HFM1: variants seen among roughly 807,000 people sequenced by gnomAD.
The protein encoded by HFM1 is probable ATP-dependent DNA helicase HFM1.
In HFM1, 169 loss-of-function variants were observed where a neutral mutation model predicts 192.1. The ratio of observed to expected loss-of-function variants is 0.88; its 90% CI spans 0.78 to 1.00. HFM1 has a LOEUF of 1.00. HFM1 is among the 50% of genes least tolerant of loss of function. The pLI is 0.00. For synonymous variants in HFM1, 525 were observed against 537.8 expected (o/e 0.98, Z 0.33); for missense variants, 1,661 against 1,668.0 (o/e 1.00, Z 0.07).
intron 1 of HFM1, 44 bp downstream of exon 1, chr1:91,404,754 C>G (rs1385587633): frequency 2.4e-6 from 1 of 425,044 alleles, no homozygotes; most frequent in East Asian, 8.1e-5. Flanking sequence ...GCGTCGGGCC[C>G]CCGTCCCCAC....
At chr1:91,302,493 T>C (rs928248931) in intron 30 of HFM1, among the ~76,000 whole-genome samples, 7 of 152,166 alleles carry the variant, frequency 4.6e-5, no homozygotes, top group Admixed American at 3.9e-4. Context: ...CGTATGTTTA[T>C]TGTGGCCCTA....
At chr1:91,322,519 T>A (rs1391000919) in intron 23 of HFM1, among the ~76,000 whole-genome samples, 1 of 152,186 alleles carries the variant, frequency 6.6e-6, no homozygotes, top group Admixed American at 6.5e-5. Context: ...AACTCCCCAT[T>A]TTTGGCAGAA....
At chr1:91,403,901 T>C (rs1405575730) in intron 1 of HFM1, among the ~76,000 whole-genome samples, 4 of 152,248 alleles carry the variant, frequency 2.6e-5, no homozygotes, top group Non-Finnish European at 5.9e-5. Context: ...TATACAATTA[T>C]TGTATAAACT....
Position 91,316,387 on chromosome 1 carries a change from C to A in HFM1, c.2898+4G>T. On this transcript the variant is annotated splice_donor_region_variant and intron_variant, in intron 26 of 38. Transcript: ENST00000370425. Reference sequence around the variant, plus strand: ...TGGAATTAGGAATAAGTGAATATAACTACCAATTCAAGTTCCCTTGCATCT... The same window carrying A: ...TGGAATTAGGAATAAGTGAATATAAATACCAATTCAAGTTCCCTTGCATCT... 6.7e-7 allele frequency: 1 copy of A among 1,483,772 alleles called. No homozygotes were observed. The highest frequency in any genetic ancestry group is 9.3e-7 in the Non-Finnish European group (1 of 1,079,112). 91.9% of individuals were successfully genotyped at this position (1,483,772 alleles called of 1,614,324 possible).
intron 32 of HFM1, among the ~76,000 whole-genome samples, chr1:91,275,661 C>T (rs1666734323): frequency 6.6e-6 from 1 of 152,104 alleles, no homozygotes; most frequent in South Asian, 2.1e-4. Context: ...TCTCTTATAA[C>T]CAATGAAGTA....
chr1:91,380,090 T>TA lies in HFM1; in HGVS notation c.1006+13dup, dbSNP rs1557494629. On this transcript the variant is annotated intron_variant, in intron 8 of 38. Transcript: ENST00000370425. ...TTATTATAATTAGTCATCACTCTTA[T>TA]AATAAATACTTACTGTAAACAATTT... 4.0e-6 allele frequency: 5 copies of TA among 1,251,096 alleles called. No individual in the cohort carries two copies. The highest frequency in any genetic ancestry group is 5.5e-6 in the Non-Finnish European group (5 of 907,618). The allele number at this position is 1,251,096 out of a possible 1,614,324, so 77.5% of individuals were successfully genotyped here. A position where few individuals can be genotyped will look rare whatever the true frequency, so the allele number is the denominator to read the frequency against.
chr1:91,307,350 T>C (rs1353831908), intron 30 of HFM1, among the ~76,000 whole-genome samples: 1 of 152,216 alleles, frequency 6.6e-6, no homozygotes, highest in Non-Finnish European at 1.5e-5. Context: ...TACTTATATT[T>C]AGTCATATAG....
At chr1:91,294,637 T>C (rs1349027934) in intron 30 of HFM1, among the ~76,000 whole-genome samples, 1 of 152,186 alleles carries the variant, frequency 6.6e-6, no homozygotes, top group African/African-American at 2.4e-5. Context: ...ATAAAGAAGA[T>C]CTATAGTCTG....
In HFM1 at chr1:91,284,361, C is replaced by T. The variant is rs183092969; in HGVS notation, c.3392-7299G>A. On this transcript the variant is annotated intron_variant, in intron 30 of 38. Transcript: ENST00000370425. ...GGCTCAAGTGATTCACCTGCCTCAG[C>T]CTCCCGAGTAGCTCGTATTACATGG... 2.7e-3 allele frequency among the ~76,000 whole-genome samples: 415 copies of T among 152,168 alleles called. 1 individual carries two copies. Among genetic ancestry groups the T allele is most frequent in the African/African-American group, 9.1e-3 (380 of 41,544 alleles).
chr1:91,369,116 A>G (rs1175052939), intron 13 of HFM1, among the ~76,000 whole-genome samples: 2 of 152,160 alleles, frequency 1.3e-5, no homozygotes, highest in African/African-American at 4.8e-5. Flanking sequence ...TTAGAGACCT[A>G]CAAAGAGACT....
chr1:91,279,104 A>C (rs931232214), intron 30 of HFM1, among the ~76,000 whole-genome samples: 7 of 152,232 alleles, frequency 4.6e-5, no homozygotes, highest in African/African-American at 1.7e-4. Flanking sequence ...AACCTTCCTA[A>C]GAGTCACCCA....
intron 8 of HFM1, among the ~76,000 whole-genome samples, chr1:91,379,511 T>C (rs938054162): frequency 1.3e-5 from 2 of 152,094 alleles, no homozygotes; most frequent in African/African-American, 4.8e-5. Context: ...CATTACAAAT[T>C]TGTCGTAAGT....
intron 30 of HFM1, among the ~76,000 whole-genome samples, chr1:91,295,009 T>C (rs1647304111): frequency 6.6e-6 from 1 of 152,188 alleles, no homozygotes; most frequent in African/African-American, 2.4e-5. Context: ...TAGTAGTTGT[T>C]ATATATCCTT....
intron 19 of HFM1, among the ~76,000 whole-genome samples, chr1:91,345,001 C>T (rs1288997725): frequency 2.0e-5 from 3 of 152,056 alleles, no homozygotes; most frequent in Non-Finnish European, 4.4e-5. Flanking sequence ...AATCTGCCCA[C>T]CTTGGAATCC....
chr1:91,307,890 T>C (rs937544832), intron 30 of HFM1, among the ~76,000 whole-genome samples: 3 of 152,188 alleles, frequency 2.0e-5, no homozygotes, highest in Non-Finnish European at 4.4e-5. Flanking sequence ...AAGGATATTT[T>C]CCACTGGGCA....
At chr1:91,403,865 TCTTTA>T (rs1252390917) in intron 1 of HFM1, among the ~76,000 whole-genome samples, 6 of 152,358 alleles carry the variant, frequency 3.9e-5, no homozygotes, top group African/African-American at 9.6e-5. Context: ...TCTTCTGTAA[TCTTTA>T]CTTATTGTAT....
At chr1:91,404,172 C>T (rs1326298278) in intron 1 of HFM1, among the ~76,000 whole-genome samples, 1 of 152,186 alleles carries the variant, frequency 6.6e-6, no homozygotes, top group Non-Finnish European at 1.5e-5. Flanking sequence ...ATTGTCGGAG[C>T]CCCAGATCTC....
chr1:91,297,400 C>T (rs995495950), intron 30 of HFM1, among the ~76,000 whole-genome samples: 11 of 152,250 alleles, frequency 7.2e-5, no homozygotes, highest in African/African-American at 2.4e-4. Flanking sequence ...GCAGAAACAT[C>T]TGCAGACTTA....
chr1:91,290,859 C>A (rs529135582), intron 30 of HFM1, among the ~76,000 whole-genome samples: 2 of 152,240 alleles, frequency 1.3e-5, no homozygotes, highest in East Asian at 3.9e-4. Context: ...ATCTCTCAGA[C>A]CACAGTGCAA....
Sources: gnomAD v4.1 joint callset for allele counts (sites outside exome capture counted in the v4.1 genomes callset) on GRCh38, gnomAD v4.1.1 for gene constraint, MANE v1.5 for transcripts, NCBI Gene and HGNC (gene_info 2026-07-23, HGNC 2026-07-21) for gene names.